KCNQ3: variants seen among roughly 807,000 people sequenced by gnomAD.
KCNQ3 encodes potassium voltage-gated channel subfamily Q member 3.
Under a neutral mutation model 92.5 loss-of-function variants are expected in KCNQ3, and 30 were observed. The ratio of observed to expected loss-of-function variants is 0.32; its 90% CI spans 0.24 to 0.44. KCNQ3 has a LOEUF of 0.44. Ranked by LOEUF, KCNQ3 falls within the 20% of genes least tolerant of loss-of-function variation. The probability of loss-of-function intolerance (pLI) is 1.00; values close to 1 mark genes in which losing one functional copy is unlikely to be tolerated. For missense variants in KCNQ3, 913 were observed against 1,140.3 expected, an observed-to-expected ratio of 0.80 and a Z score of 2.87; for synonymous variants, 450 against 468.8, an observed-to-expected ratio of 0.96 and a Z score of 0.52.
intron 1 of KCNQ3, among the ~76,000 whole-genome samples, chr8:132,436,226 T>C (rs1302481693): frequency 6.6e-6 from 1 of 152,234 alleles, no homozygotes; most frequent in Non-Finnish European, 1.5e-5. Context: ...TGTAAATACT[T>C]AGGTTTGGAA....
intron 1 of KCNQ3, among the ~76,000 whole-genome samples, chr8:132,246,188 A>G (rs549061166): frequency 1.3e-5 from 2 of 152,262 alleles, no homozygotes; most frequent in South Asian, 2.1e-4. Flanking sequence ...CCATTTACCT[A>G]TTCTTGTGCA....
At chr8:132,469,250 G>A (rs1822246963) in intron 1 of KCNQ3, among the ~76,000 whole-genome samples, 1 of 152,196 alleles carries the variant, frequency 6.6e-6, no homozygotes, top group Non-Finnish European at 1.5e-5. Flanking sequence ...ACAGAAATGT[G>A]GCAAATCTGT....
At chr8:132,154,208 T>TTGTTTG (rs1554624534) in intron 9 of KCNQ3, among the ~76,000 whole-genome samples, 2 of 142,304 alleles carry the variant, frequency 1.4e-5, no homozygotes, top group African/African-American at 5.3e-5. Context: ...TTTTTTTTTT[T>TTGTTTG]TTTTTTTTTT....
At chr8:132,286,298 T>C (rs1816678577) in intron 1 of KCNQ3, among the ~76,000 whole-genome samples, 5 of 152,184 alleles carry the variant, frequency 3.3e-5, no homozygotes, top group Admixed American at 6.5e-5. Flanking sequence ...GAGGAGGAGT[T>C]ACCTGAGGCC....
chr8:132,244,591 G>C (rs1248517792), intron 1 of KCNQ3, among the ~76,000 whole-genome samples: 2 of 152,184 alleles, frequency 1.3e-5, no homozygotes, highest in Non-Finnish European at 2.9e-5. Flanking sequence ...ACAGTGTCCT[G>C]TTTCTCCATT....
chr8:132,220,021 C>A (rs1814170774), intron 1 of KCNQ3, among the ~76,000 whole-genome samples: 1 of 152,266 alleles, frequency 6.6e-6, no homozygotes, highest in East Asian at 1.9e-4. Flanking sequence ...AATTCTGATT[C>A]TCTTTCCATC....
chr8:132,480,335 G>T lies in KCNQ3; in HGVS notation c.198C>A (p.Thr66=). 3 of 1,599,450 alleles carry T rather than the reference G, an allele frequency of 1.9e-6. No individual in the cohort carries two copies. Among genetic ancestry groups the T allele is most frequent in the Non-Finnish European group, 2.6e-6 (3 of 1,175,234 alleles). The change falls in exon 1 of 15, where the codon ACC becomes ACA. Residue 66 remains threonine, a synonymous_variant. Coordinates refer to ENST00000388996, the MANE Select transcript of KCNQ3 (RefSeq NM_004519.4). ...ALGAGADKDG[T]LLLEGGGRDE... is the part of the protein sequence containing the mutation. ...CGCGGCCGCCGCCCTCCAGCAGCAG[G>T]GTCCCGTCTTTGTCGGCTCCGGCCC...
chr8:132,439,881 G>A (rs1821492386), intron 1 of KCNQ3, among the ~76,000 whole-genome samples: 1 of 152,166 alleles, frequency 6.6e-6, no homozygotes. Context: ...TAAATTTGTG[G>A]TAATTTGTTA....
intron 1 of KCNQ3, among the ~76,000 whole-genome samples, chr8:132,186,385 G>A (rs1034394190): frequency 6.6e-6 from 1 of 152,202 alleles, no homozygotes; most frequent in Admixed American, 6.5e-5. Flanking sequence ...AACAATGTGA[G>A]AGAAGTTGAC....
intron 1 of KCNQ3, among the ~76,000 whole-genome samples, chr8:132,365,252 G>T (rs569148132): frequency 1.3e-5 from 2 of 152,234 alleles, no homozygotes; most frequent in Non-Finnish European, 2.9e-5. Flanking sequence ...TGCACTAGGT[G>T]CAAAGGAGCT....
chr8:132,154,192 A>ATTTTTTTTTTTTTTTTTTTTTTTT (rs1563775830), intron 9 of KCNQ3, among the ~76,000 whole-genome samples: 4 of 104,472 alleles, frequency 3.8e-5, no homozygotes, highest in South Asian at 4.7e-4. Flanking sequence ...AAAGGGTAAA[A>ATTTTTTTTTTTTTTTTTTTTTTTT]GTTTTTTTTT....
chr8:132,317,896 T>C (rs1447340654), intron 1 of KCNQ3, among the ~76,000 whole-genome samples: 2 of 152,190 alleles, frequency 1.3e-5, no homozygotes, highest in African/African-American at 2.4e-5. Flanking sequence ...GAGACGGGCC[T>C]GAGGTTGCAC....
intron 9 of KCNQ3, among the ~76,000 whole-genome samples, chr8:132,142,309 C>T (rs1303389022): frequency 6.6e-6 from 1 of 152,108 alleles, no homozygotes; most frequent in Non-Finnish European, 1.5e-5. Context: ...TTGACTTAAG[C>T]CCAAGTCCAC....
intron 1 of KCNQ3, among the ~76,000 whole-genome samples, chr8:132,355,220 A>AT (rs1248902428): frequency 6.6e-6 from 1 of 152,114 alleles, no homozygotes; most frequent in Non-Finnish European, 1.5e-5. Context: ...AATTACTGGT[A>AT]TAAAAACACC....
intron 1 of KCNQ3, among the ~76,000 whole-genome samples, chr8:132,203,178 T>C (rs957972755): frequency 3.3e-5 from 5 of 152,162 alleles, no homozygotes; most frequent in African/African-American, 1.2e-4. Context: ...ATTAATCCAT[T>C]CCTGAGGGCT....
intron 1 of KCNQ3, among the ~76,000 whole-genome samples, chr8:132,267,251 T>C (rs1003959954): frequency 2.6e-5 from 4 of 152,152 alleles, no homozygotes; most frequent in African/African-American, 9.6e-5. Flanking sequence ...CCAAGGCCCC[T>C]AATTATGTTA....
chr8:132,162,516 G>T (rs547255222), intron 9 of KCNQ3, among the ~76,000 whole-genome samples: 15 of 152,206 alleles, frequency 9.9e-5, no homozygotes, highest in Admixed American at 3.3e-4. Context: ...GCCTCTGGGA[G>T]CCACGAGCTG....
At chr8:132,446,784 C>T (rs1261045438) in intron 1 of KCNQ3, among the ~76,000 whole-genome samples, 1 of 152,110 alleles carries the variant, frequency 6.6e-6, no homozygotes, top group Non-Finnish European at 1.5e-5. Context: ...ATAAATTATC[C>T]CAGGCGACGG....
intron 1 of KCNQ3, among the ~76,000 whole-genome samples, chr8:132,396,654 AC>A (rs1251952229): frequency 2.0e-5 from 3 of 152,114 alleles, no homozygotes; most frequent in Non-Finnish European, 4.4e-5. Flanking sequence ...GCCTCTGCGT[AC>A]CCACACCATT....
Sources: allele counts gnomAD v4.1 joint callset (sites outside exome capture counted in the v4.1 genomes callset), GRCh38; gene constraint gnomAD v4.1.1; transcripts MANE v1.5; gene names NCBI Gene and HGNC (gene_info 2026-07-23, HGNC 2026-07-21).